The following RAB38 variants were observed in gnomAD, a reference collection of about 807,000 sequenced individuals.
RAB38 encodes RAB38, member RAS oncogene family, also known as ras-related protein Rab-38.
A neutral mutation model predicts 18.4 loss-of-function variants in RAB38; 15 were observed. The observed-to-expected ratio is 0.82, with a 90% CI of 0.55 to 1.26. RAB38 has a LOEUF of 1.26. Ranked by LOEUF, RAB38 falls within the 50% of genes most tolerant of loss-of-function variation. The probability of loss-of-function intolerance (pLI) is 0.00; values close to 1 mark genes in which losing one functional copy is unlikely to be tolerated. For missense variants in RAB38, 294 were observed against 267.4 expected, an observed-to-expected ratio of 1.10 and a Z score of -0.69; for synonymous variants, 101 against 104.4, an observed-to-expected ratio of 0.97 and a Z score of 0.20.
At chr11:88,014,361 T>C in the RAB38 span, among the ~76,000 whole-genome samples, 1 of 152,064 alleles carries the variant, frequency 6.6e-6, no homozygotes, top group Non-Finnish European at 1.5e-5. Flanking sequence ...TATCTGTATA[T>C]CCTAAAATTT....
chr11:87,926,739 C>G, the RAB38 span, among the ~76,000 whole-genome samples: 1 of 151,992 alleles, frequency 6.6e-6, no homozygotes, highest in Non-Finnish European at 1.5e-5. Context: ...AGCAGACTTT[C>G]CTCACAGGAC....
the RAB38 span, among the ~76,000 whole-genome samples, chr11:87,893,388 A>AT: frequency 3.2e-4 from 3 of 9,354 alleles, no homozygotes; most frequent in Admixed American, 1.3e-3. Flanking sequence ...ATATATATAT[A>AT]TATTTTTTTT....
chr11:87,884,680 C>T, the RAB38 span, among the ~76,000 whole-genome samples: 18 of 152,050 alleles, frequency 1.2e-4, no homozygotes, highest in African/African-American at 2.2e-4. Flanking sequence ...GTCCCTGATA[C>T]TCCTACTTTA....
chr11:88,086,649 TC>T, the RAB38 span, among the ~76,000 whole-genome samples: 1 of 151,874 alleles, frequency 6.6e-6, no homozygotes, highest in Non-Finnish European at 1.5e-5. Flanking sequence ...GTGTTTGAAC[TC>T]CCTCAACACA....
the RAB38 span, among the ~76,000 whole-genome samples, chr11:88,006,491 G>A: frequency 5.3e-5 from 8 of 150,756 alleles, no homozygotes; most frequent in Non-Finnish European, 1.2e-4. Flanking sequence ...GTTTATTGCT[G>A]CAGTATTCAC....
chr11:88,005,485 G>T, the RAB38 span, among the ~76,000 whole-genome samples: 1 of 150,900 alleles, frequency 6.6e-6, no homozygotes, highest in East Asian at 1.9e-4. Context: ...TATAGAAATT[G>T]TTTTTTATTA....
intron 2 of RAB38, among the ~76,000 whole-genome samples, chr11:88,118,146 C>A (rs1379775669): frequency 2.6e-5 from 4 of 152,202 alleles, no homozygotes; most frequent in Non-Finnish European, 5.9e-5. Context: ...CAGCTCCCCC[C>A]CAAATATATC....
the RAB38 span, among the ~76,000 whole-genome samples, chr11:87,851,502 T>C: frequency 6.6e-6 from 1 of 152,222 alleles, no homozygotes; most frequent in Non-Finnish European, 1.5e-5. Flanking sequence ...CTGTTTTCAT[T>C]GCTGTTTGTT....
At chr11:87,946,656 T>A in the RAB38 span, among the ~76,000 whole-genome samples, 1 of 152,098 alleles carries the variant, frequency 6.6e-6, no homozygotes, top group Admixed American at 6.6e-5. Context: ...TTTTTTGTCC[T>A]TGCAATAGTT....
At chr11:87,825,851 A>C in the RAB38 span, among the ~76,000 whole-genome samples, 5 of 152,168 alleles carry the variant, frequency 3.3e-5, no homozygotes, top group African/African-American at 1.2e-4. Flanking sequence ...ATCATTTTTA[A>C]ACAAATCATT....
At chr11:87,914,730 T>A in the RAB38 span, among the ~76,000 whole-genome samples, 1 of 152,198 alleles carries the variant, frequency 6.6e-6, no homozygotes. Flanking sequence ...CCCATCCAGG[T>A]CCTGATAAAA....
the RAB38 span, among the ~76,000 whole-genome samples, chr11:87,883,091 C>T: frequency 6.6e-6 from 1 of 151,942 alleles, no homozygotes; most frequent in Non-Finnish European, 1.5e-5. Flanking sequence ...TATAGAAATA[C>T]TCTTTGTAGA....
At chr11:87,949,273 T>A in the RAB38 span, among the ~76,000 whole-genome samples, 1 of 152,314 alleles carries the variant, frequency 6.6e-6, no homozygotes, top group East Asian at 1.9e-4. Flanking sequence ...ATTTGATTCT[T>A]CTCTCTTTTC....
At chr11:87,886,568 C>A in the RAB38 span, among the ~76,000 whole-genome samples, 254 of 152,048 alleles carry the variant, frequency 1.7e-3, 1 homozygote, top group African/African-American at 5.6e-3. Flanking sequence ...GGTTAATTTG[C>A]AACTAATCAA....
At chr11:88,028,253 A>G in the RAB38 span, among the ~76,000 whole-genome samples, 3 of 152,298 alleles carry the variant, frequency 2.0e-5, no homozygotes, top group East Asian at 3.9e-4. Flanking sequence ...AAAGACCAAA[A>G]GTAGATAAAA....
chr11:87,915,064 T>C, the RAB38 span, among the ~76,000 whole-genome samples: 1 of 152,074 alleles, frequency 6.6e-6, no homozygotes, highest in African/African-American at 2.4e-5. Context: ...GGACAATACC[T>C]AGTGGATCCA....
the RAB38 span, among the ~76,000 whole-genome samples, chr11:87,949,040 G>T: frequency 6.6e-6 from 1 of 152,096 alleles, no homozygotes; most frequent in African/African-American, 2.4e-5. Context: ...TGGTTGGTAA[G>T]CTATTGATTA....
intron 2 of RAB38, among the ~76,000 whole-genome samples, chr11:88,140,494 T>C (rs546779945): frequency 3.9e-5 from 6 of 152,318 alleles, no homozygotes; most frequent in South Asian, 2.1e-4. Context: ...ACACAAGCCA[T>C]TGTGCTGGGT....
At chr11:88,070,424 G>C in the RAB38 span, among the ~76,000 whole-genome samples, 1 of 152,166 alleles carries the variant, frequency 6.6e-6, no homozygotes, top group African/African-American at 2.4e-5. Context: ...TCACCGCGAG[G>C]GTCCGCGGCT....
Sources: gnomAD v4.1 joint callset for allele counts (sites outside exome capture counted in the v4.1 genomes callset) on GRCh38, gnomAD v4.1.1 for gene constraint, MANE v1.5 for transcripts, NCBI Gene and HGNC (gene_info 2026-07-23, HGNC 2026-07-21) for gene names.